Variants in MS4A13 observed in about 807,000 individuals in gnomAD.
MS4A13 encodes the protein membrane spanning 4-domains A13.
Under a neutral mutation model 18.4 loss-of-function variants are expected in MS4A13, and 21 were observed. The observed-to-expected ratio is 1.14, with a 90% CI of 0.81 to 1.64. The LOEUF is 1.64. Ranked by LOEUF, MS4A13 falls within the 40% of genes most tolerant of loss-of-function variation. MS4A13 has a pLI of 0.00. For synonymous variants in MS4A13, 62 were observed against 57.2 expected, an observed-to-expected ratio of 1.08 and a Z score of -0.38; for missense variants, 173 against 176.8, an observed-to-expected ratio of 0.98 and a Z score of 0.12.
chr11:60,523,873 T>A (rs745964967), intron 3 of MS4A13, 24 bp from the exon 4 acceptor site: 1 of 1,305,734 alleles, frequency 7.7e-7, no homozygotes, highest in Admixed American at 1.8e-5. Context: ...CAATGAGTAT[T>A]TATAAATATG....
chr11:60,518,037 A>T (rs1590869379), intron 2 of MS4A13, 35 bp from the exon 3 acceptor site: 1 of 1,498,650 alleles, frequency 6.7e-7, no homozygotes, highest in East Asian at 2.3e-5. Context: ...TTTAAATTAC[A>T]TTATTTCGGT....
At chr11:60,527,784 C>G (rs367699585) in intron 5 of MS4A13, among the ~76,000 whole-genome samples, 1 of 151,792 alleles carries the variant, frequency 6.6e-6, no homozygotes, top group Non-Finnish European at 1.5e-5. Context: ...TGCAGTGAGC[C>G]GAGATTGCGC....
chr11:60,525,362 A>T, intron 5 of MS4A13, 36 bp downstream of exon 5: 6 of 1,403,204 alleles, frequency 4.3e-6, no homozygotes, highest in Non-Finnish European at 5.7e-6. Context: ...TATTAATTTT[A>T]AAATTATTCT....
intron 6 of MS4A13, among the ~76,000 whole-genome samples, chr11:60,540,770 G>T (rs2086850661): frequency 1.3e-5 from 2 of 151,932 alleles, no homozygotes; most frequent in Non-Finnish European, 2.9e-5. Flanking sequence ...AACATGACGA[G>T]ACCTCATCTC....
intron 6 of MS4A13, among the ~76,000 whole-genome samples, chr11:60,542,005 G>T (rs920254291): frequency 1.7e-4 from 26 of 151,916 alleles, no homozygotes; most frequent in Admixed American, 6.6e-5. Context: ...GGTGGCTGGG[G>T]CATGAGAATC....
rs1555023672 is a variant in MS4A13 at position 60,522,235 on chromosome 11, G to GTATATATATATATATATCT, written c.130-1662_130-1661insTATATATATATATATATCT. Among the ~76,000 whole-genome samples the GTATATATATATATATATCT allele has an allele frequency of 4.7e-3, 526 of 112,140 alleles. 2 individuals carry two copies. Among genetic ancestry groups the GTATATATATATATATATCT allele is most frequent in the African/African-American group, 0.018 (453 of 25,764 alleles). The allele number at this position is 112,140 out of a possible 152,430, so 73.6% of individuals were successfully genotyped here. ...AGATAGATAGATAGATAGATAGATA[G>GTATATATATATATATATCT]ATAGATGTATATATATAGATATATA... On this transcript the variant is annotated intron_variant, in intron 3 of 6. Coordinates refer to ENST00000378186, the MANE Select transcript of MS4A13 (RefSeq NM_001012417.3).
At chr11:60,521,574 C>T (rs1202610736) in intron 3 of MS4A13, among the ~76,000 whole-genome samples, 1 of 152,152 alleles carries the variant, frequency 6.6e-6, no homozygotes, top group East Asian at 1.9e-4. Context: ...TGCTCTAATT[C>T]CCAACAAATT....
chr11:60,522,901 A>G (rs2086687449), intron 3 of MS4A13, among the ~76,000 whole-genome samples: 1 of 152,170 alleles, frequency 6.6e-6, no homozygotes, highest in Non-Finnish European at 1.5e-5. Flanking sequence ...AGTATATTAA[A>G]CTCCTAGGAT....
chr11:60,526,169 G>A (rs894271923), intron 5 of MS4A13, among the ~76,000 whole-genome samples: 2 of 151,992 alleles, frequency 1.3e-5, no homozygotes, highest in African/African-American at 4.8e-5. Flanking sequence ...AAACCCTGGA[G>A]GACAGTGATA....
chr11:60,522,617 C>T (rs909060801), intron 3 of MS4A13, among the ~76,000 whole-genome samples: 13 of 152,040 alleles, frequency 8.6e-5, no homozygotes, highest in African/African-American at 2.7e-4. Context: ...TTTATACATA[C>T]ACTAATTCAT....
chr11:60,518,103 T>G lies in MS4A13; in HGVS notation c.20T>G (p.Ile7Ser), dbSNP rs2135246315. The G allele has an allele frequency of 6.2e-7, 1 of 1,603,688 alleles. No homozygotes were observed. Among genetic ancestry groups the G allele is most frequent in the East Asian group, 2.2e-5 (1 of 44,680 alleles). Residue 7 changes from isoleucine to serine, a missense_variant, in exon 3 of 7, where the codon ATT becomes AGT. Transcript: ENST00000378186. MIGIFH[I>S]FMWYFLLVLY... Reference sequence around the variant, plus strand: ...CAGATTATGATTGGCATCTTTCACATTTTCATGTGGTACTTTCTATTGGTT... The same window carrying G: ...CAGATTATGATTGGCATCTTTCACAGTTTCATGTGGTACTTTCTATTGGTT...
intron 6 of MS4A13, among the ~76,000 whole-genome samples, chr11:60,540,711 C>T (rs949260440): frequency 2.0e-5 from 3 of 152,046 alleles, no homozygotes; most frequent in South Asian, 2.1e-4. Flanking sequence ...TTTTGGGAGG[C>T]CAACTCGGGA....
chr11:60,516,127 A>C (rs1164340645), intron 2 of MS4A13, 43 bp downstream of exon 2: 1 of 152,104 alleles, frequency 6.6e-6, no homozygotes, highest in East Asian at 1.9e-4. Flanking sequence ...ATCATGAACT[A>C]TTTCATTTTT....
At chr11:60,520,097 CATCTT>C (rs1317877653) in intron 3 of MS4A13, among the ~76,000 whole-genome samples, 1 of 152,114 alleles carries the variant, frequency 6.6e-6, no homozygotes, top group Non-Finnish European at 1.5e-5. Context: ...ACCCAAATCT[CATCTT>C]ATAGCTCCCA....
intron 3 of MS4A13, among the ~76,000 whole-genome samples, chr11:60,519,693 A>G (rs1229921915): frequency 6.6e-6 from 1 of 152,248 alleles, no homozygotes; most frequent in African/African-American, 2.4e-5. Context: ...GATAAAAACA[A>G]TCAGGATCTT....
At chr11:60,530,166 G>A (rs573674704) in intron 6 of MS4A13, among the ~76,000 whole-genome samples, 10 of 152,178 alleles carry the variant, frequency 6.6e-5, no homozygotes, top group South Asian at 4.2e-4. Context: ...AAATATTTAC[G>A]GAGAGCATGC....
chr11:60,529,537 C>A (rs922577294), intron 6 of MS4A13, 77 bp downstream of exon 6: 8 of 676,576 alleles, frequency 1.2e-5, no homozygotes, highest in Non-Finnish European at 9.6e-6. Context: ...AGATGAAGTG[C>A]ACTGATACAA....
chr11:60,529,259 T>TC, intron 5 of MS4A13, 106 bp from the exon 6 acceptor site: 1 of 269,012 alleles, frequency 3.7e-6, no homozygotes, highest in Non-Finnish European at 6.8e-6. Flanking sequence ...TCCTTCCTTT[T>TC]TTTTTTTTTT....
intron 3 of MS4A13, among the ~76,000 whole-genome samples, chr11:60,522,807 G>T (rs964191467): frequency 6.6e-6 from 1 of 152,116 alleles, no homozygotes; most frequent in Non-Finnish European, 1.5e-5. Flanking sequence ...CCTTAAAAAA[G>T]AGGAGAAAAA....
Sources: gnomAD v4.1 joint callset for allele counts (sites outside exome capture counted in the v4.1 genomes callset) on GRCh38, gnomAD v4.1.1 for gene constraint, MANE v1.5 for transcripts, NCBI Gene and HGNC (gene_info 2026-07-23, HGNC 2026-07-21) for gene names.